Variants in IMPG2 observed in about 807,000 individuals in gnomAD.
IMPG2 encodes the protein IPM 200.
A neutral mutation model predicts 129.2 loss-of-function variants in IMPG2; 91 were observed. The ratio of observed to expected loss-of-function variants is 0.70; its 90% CI spans 0.59 to 0.84. IMPG2 has a LOEUF of 0.84. Among genes scored for constraint, IMPG2 ranks in the 40% least tolerant of loss-of-function variants. The pLI is 0.00. For missense variants in IMPG2, 1,430 were observed against 1,461.7 expected, an observed-to-expected ratio of 0.98 and a Z score of 0.35; for synonymous variants, 510 against 517.7, an observed-to-expected ratio of 0.99 and a Z score of 0.20.
At chr3:101,284,653 G>C (rs1188546599) in intron 4 of IMPG2, among the ~76,000 whole-genome samples, 1 of 152,004 alleles carries the variant, frequency 6.6e-6, no homozygotes, top group Non-Finnish European at 1.5e-5. Context: ...TGTATATTTA[G>C]GACAGACTCA....
At chr3:101,256,156 A>AGAAAGAAAGAAAGAAG (rs1706600723) in intron 10 of IMPG2, among the ~76,000 whole-genome samples, 1 of 128,196 alleles carries the variant, frequency 7.8e-6, no homozygotes, top group African/African-American at 3.0e-5. Context: ...AAAGAAAGAA[A>AGAAAGAAAGAAAGAAG]GAAAGAAAGA....
chr3:101,281,217 T>C (rs1706889728), intron 4 of IMPG2, among the ~76,000 whole-genome samples: 1 of 151,790 alleles, frequency 6.6e-6, no homozygotes, highest in African/African-American at 2.4e-5. Flanking sequence ...ATGGCAGGAG[T>C]TTAAGGAGTG....
chr3:101,243,002 C>T (rs1248989410), intron 13 of IMPG2, 95 bp from the exon 14 acceptor site: 1 of 946,606 alleles, frequency 1.1e-6, no homozygotes. Context: ...AGGTAAGACC[C>T]TGCCTCACTT....
chr3:101,257,567 G>A lies in IMPG2; in HGVS notation c.1115C>T (p.Ser372Phe), dbSNP rs979308789. The A allele has an allele frequency of 6.2e-7, 1 of 1,613,184 alleles. No individual in the cohort carries two copies. The highest frequency in any genetic ancestry group is 1.3e-5 in the African/African-American group (1 of 74,846). The change falls in exon 10 of 19, where the codon TCC becomes TTC. Residue 372 changes from serine to phenylalanine, a missense_variant. Transcript: ENST00000193391. Reference protein sequence around the residue: ...LQQNFLLGNSSLNPDPDSLQL... With the variant: ...LQQNFLLGNSFLNPDPDSLQL... ...CAGGGAATCAGGATCTGGATTCAAG[G>A]AAGAGTTCCCCAGCAAAAAATTCTG...
At chr3:101,240,453 C>T (rs1012024211) in intron 14 of IMPG2, among the ~76,000 whole-genome samples, 3 of 152,060 alleles carry the variant, frequency 2.0e-5, no homozygotes, top group Admixed American at 6.6e-5. Context: ...GATTGACCTT[C>T]GCAAAAGTTT....
At chr3:101,279,856 G>A (rs1481839169) in intron 4 of IMPG2, among the ~76,000 whole-genome samples, 1 of 152,054 alleles carries the variant, frequency 6.6e-6, no homozygotes, top group Middle Eastern at 3.2e-3. Flanking sequence ...TAAATCACTT[G>A]CCTACACTCC....
rs763226202 is a variant in IMPG2, at chr3:101,244,498, C to G, written c.1833G>C (p.Leu611=). The G allele has an allele frequency of 6.2e-7, 1 of 1,612,678 alleles. No individual in the cohort carries two copies. Among genetic ancestry groups the G allele is most frequent in the Non-Finnish European group, 8.5e-7 (1 of 1,178,996 alleles). The change falls in exon 13 of 19, where the codon CTG becomes CTC. Residue 611 remains leucine, a synonymous_variant. Coordinates refer to ENST00000193391, the MANE Select transcript of IMPG2 (RefSeq NM_016247.4). The part of the protein sequence containing the change: ...LGSGSGQKVD[L]ITWPWSETSS... ...AAGTCTCACTCCATGGCCAAGTAAT[C>G]AGATCTACCTTTTGCCCAGACCCTG...
chr3:101,272,106 CACACACACACACACAT>C (rs1385736926), intron 7 of IMPG2, among the ~76,000 whole-genome samples: 1 of 151,672 alleles, frequency 6.6e-6, no homozygotes, highest in South Asian at 2.1e-4. Context: ...CACGCACACA[CACACACACACACACAT>C]ACACACACAC....
intron 2 of IMPG2, among the ~76,000 whole-genome samples, chr3:101,318,225 G>C (rs2058795121): frequency 6.7e-6 from 1 of 150,328 alleles, no homozygotes; most frequent in Non-Finnish European, 1.5e-5. Context: ...ATCGAATCTT[G>C]ATAAATTATT....
chr3:101,226,225 T>TTA lies in IMPG2; in HGVS notation c.*742_*743dup, dbSNP rs66908707. ...TAGATTAATGGGAATCTTCTAAACT[T>TTA]TATATATATATATATATATATATAT... On this transcript the variant is annotated 3_prime_UTR_variant, in exon 19 of 19. Transcript: ENST00000193391. 1.5e-3 allele frequency: 151 copies of TTA among 102,540 alleles called. 1 individual carries two copies. The highest frequency in any genetic ancestry group is 2.1e-3 in the African/African-American group (48 of 22,834). The allele number at this position is 102,540 out of a possible 1,614,324, so 6.4% of individuals were successfully genotyped here. A position where few individuals can be genotyped will look rare whatever the true frequency, so the allele number is the denominator to read the frequency against.
Position 101,320,314 on chromosome 3 carries a change from A to C in IMPG2, c.59T>G (p.Ile20Arg). ...TGTTAATGATGGAAAGTCTCCTTCT[A>C]TCAGGACAAATATCAAAATACCCAG... ...ISLGILIFVL[I>R]EGDFPSLTAQ... Residue 20 changes from isoleucine (I) to arginine (R), a missense_variant, in exon 1 of 19, where the codon ATA (isoleucine) becomes AGA (arginine). Coordinates refer to ENST00000193391, the MANE Select transcript of IMPG2 (RefSeq NM_016247.4). 6 of 1,603,620 alleles carry C rather than the reference A, an allele frequency of 3.7e-6. No homozygotes were observed. The highest frequency in any genetic ancestry group is 5.1e-6 in the Non-Finnish European group (6 of 1,171,146).
intron 16 of IMPG2, among the ~76,000 whole-genome samples, 164 bp from the exon 17 acceptor site, chr3:101,229,754 G>C (rs1706266748): frequency 2.6e-5 from 4 of 152,108 alleles, no homozygotes. Flanking sequence ...AAAATTATTT[G>C]TCAGGTGTTA....
intron 2 of IMPG2, among the ~76,000 whole-genome samples, chr3:101,305,360 G>A (rs550079611): frequency 1.3e-5 from 2 of 152,238 alleles, no homozygotes; most frequent in African/African-American, 4.8e-5. Flanking sequence ...GAGCATAGCA[G>A]ATTTTTAGGG....
chr3:101,289,652 G>C (rs1003331125), intron 4 of IMPG2, among the ~76,000 whole-genome samples: 2 of 151,918 alleles, frequency 1.3e-5, no homozygotes. Context: ...AGAGCCTTGC[G>C]GGTCATGTTA....
intron 9 of IMPG2, among the ~76,000 whole-genome samples, chr3:101,263,424 A>G (rs1419387385): frequency 6.6e-6 from 1 of 152,066 alleles, no homozygotes; most frequent in Non-Finnish European, 1.5e-5. Context: ...TATACCAATA[A>G]AGGAAAGTTA....
At chr3:101,263,252 T>C (rs1353646063) in intron 9 of IMPG2, among the ~76,000 whole-genome samples, 1 of 152,030 alleles carries the variant, frequency 6.6e-6, no homozygotes, top group East Asian at 1.9e-4. Flanking sequence ...AGCTGCAGAA[T>C]ACACACTGTT....
At chr3:101,302,027 ATAT>A (rs781619415) in intron 3 of IMPG2, among the ~76,000 whole-genome samples, 26 of 152,180 alleles carry the variant, frequency 1.7e-4, no homozygotes, top group Admixed American at 3.3e-4. Flanking sequence ...CCTCTTTGGT[ATAT>A]TGACCGAGGT....
intron 14 of IMPG2, among the ~76,000 whole-genome samples, chr3:101,238,252 C>A (rs138348500): frequency 6.6e-6 from 1 of 152,000 alleles, no homozygotes. Context: ...GATTGGTGTA[C>A]CTGAAAGTGA....
intron 2 of IMPG2, among the ~76,000 whole-genome samples, chr3:101,314,266 A>T (rs529634775): frequency 6.6e-6 from 1 of 152,276 alleles, no homozygotes; most frequent in African/African-American, 2.4e-5. Flanking sequence ...TCAGACTCAG[A>T]TTTGCATAGC....
Sources: gnomAD v4.1 joint callset for allele counts (sites outside exome capture counted in the v4.1 genomes callset) on GRCh38, gnomAD v4.1.1 for gene constraint, MANE v1.5 for transcripts, NCBI Gene and HGNC (gene_info 2026-07-23, HGNC 2026-07-21) for gene names.